The following FAR2 variants were observed in gnomAD, a reference collection of about 807,000 sequenced individuals.
FAR2 encodes fatty acyl-CoA reductase 2.
FAR2 carries 19 observed loss-of-function variants against 56.0 expected under a neutral mutation model. That is an observed-to-expected ratio of 0.34 (90% CI 0.24 to 0.50). The LOEUF (loss-of-function observed/expected upper bound fraction) is 0.50, where lower values mean the gene tolerates loss of function less well. Among genes scored for constraint, FAR2 ranks in the 20% least tolerant of loss-of-function variants. FAR2 has a pLI of 0.98. For missense variants in FAR2, 508 were observed against 642.2 expected (o/e 0.79, Z 2.26); for synonymous variants, 219 against 218.8 (o/e 1.00, Z -0.01).
At chr12:29,294,598 C>T (rs1242025668) in intron 3 of FAR2, among the ~76,000 whole-genome samples, 1 of 152,226 alleles carries the variant, frequency 6.6e-6, no homozygotes, top group Non-Finnish European at 1.5e-5. Context: ...GATCCACCCG[C>T]CTTGGCCTCC....
rs1200619697 is a variant in FAR2, at chr12:29,317,006, A to G, written c.1121A>G (p.Lys374Arg). 4 of 1,612,140 alleles carry G rather than the reference A, an allele frequency of 2.5e-6. No individual in the cohort carries two copies. The South Asian group carries it at 3.3e-5, about 13-fold the overall frequency. The change falls in exon 9 of 12, where the codon AAG (lysine) becomes AGG (arginine). Residue 374 changes from lysine (K) to arginine (R), a missense_variant. By Grantham distance (26) the Lys-to-Arg change is conservative. Transcript: ENST00000536681. ...TGCTATCTGCGGCTCACTGGAAGGA[A>G]GCCCAGGTGAGAAGCTGAGTCAATG... ...YDCYLRLTGRKPRMTKLMNRL... is the reference protein window; with the variant it reads ...YDCYLRLTGRRPRMTKLMNRL...
chr12:29,268,810 C>G (rs142581077), intron 1 of FAR2, among the ~76,000 whole-genome samples: 1 of 151,936 alleles, frequency 6.6e-6, no homozygotes, highest in Non-Finnish European at 1.5e-5. Flanking sequence ...GCTGGGCATC[C>G]GGGGGAGACA....
intron 1 of FAR2, among the ~76,000 whole-genome samples, chr12:29,192,379 G>T (rs1328874130): frequency 6.6e-6 from 1 of 152,156 alleles, no homozygotes; most frequent in Non-Finnish European, 1.5e-5. Context: ...ACCCAAAGAA[G>T]CCAAGAAGAC....
At chr12:29,219,617 T>A (rs551911697) in intron 1 of FAR2, among the ~76,000 whole-genome samples, 1 of 152,170 alleles carries the variant, frequency 6.6e-6, no homozygotes, top group Non-Finnish European at 1.5e-5. Context: ...GTTTTAACTC[T>A]GAGTAGACAA....
chr12:29,295,417 T>C (rs1949046435), intron 3 of FAR2, among the ~76,000 whole-genome samples: 1 of 152,190 alleles, frequency 6.6e-6, no homozygotes, highest in African/African-American at 2.4e-5. Flanking sequence ...TCTCTTTGCA[T>C]ATACTTCCTG....
chr12:29,315,525 T>G (rs947514643), intron 8 of FAR2, among the ~76,000 whole-genome samples: 4 of 152,196 alleles, frequency 2.6e-5, no homozygotes, highest in Non-Finnish European at 4.4e-5. Flanking sequence ...GAGGTCAGAC[T>G]GTAGGAGTAC....
intron 2 of FAR2, among the ~76,000 whole-genome samples, chr12:29,274,732 CT>C (rs1282913737): frequency 6.6e-6 from 1 of 151,906 alleles, no homozygotes; most frequent in Non-Finnish European, 1.5e-5. Flanking sequence ...CTCATTCTGG[CT>C]CAAAATCTCC....
At position 29,237,197 on chromosome 12, in the gene FAR2, G is replaced by C. The variant is rs1192811009; in HGVS notation, c.-38-33215G>C. ...AATACTGCCCTCAAGTGATAGTTTA[G>C]ATCAGCAGTTCTTGAAGTGTGGTCC... On this transcript the variant is annotated intron_variant, in intron 1 of 11. Transcript: ENST00000536681. Among the ~76,000 whole-genome samples the C allele has an allele frequency of 5.3e-5, 8 of 152,282 alleles. No individual in the cohort carries two copies. The East Asian group carries it at 1.5e-3, about 29-fold the overall frequency.
At chr12:29,288,095 A>T (rs895661149) in intron 2 of FAR2, among the ~76,000 whole-genome samples, 1 of 152,222 alleles carries the variant, frequency 6.6e-6, no homozygotes, top group Non-Finnish European at 1.5e-5. Flanking sequence ...TTAGAAGAGT[A>T]TCTTATGTTT....
intron 9 of FAR2, among the ~76,000 whole-genome samples, chr12:29,318,063 G>C (rs1459390890): frequency 3.3e-5 from 5 of 152,218 alleles, no homozygotes; most frequent in Admixed American, 2.0e-4. Flanking sequence ...AGGAGTCATT[G>C]TTATAATTGC....
intron 1 of FAR2, among the ~76,000 whole-genome samples, chr12:29,234,761 G>T (rs1947912155): frequency 6.6e-6 from 1 of 152,118 alleles, no homozygotes; most frequent in African/African-American, 2.4e-5. Flanking sequence ...CCTGACTACA[G>T]TAATGCCTAC....
chr12:29,332,149 A>G (rs761605925), intron 10 of FAR2, among the ~76,000 whole-genome samples: 1 of 152,184 alleles, frequency 6.6e-6, no homozygotes, highest in South Asian at 2.1e-4. Flanking sequence ...TTTAATCTGC[A>G]TAATGAAATG....
intron 1 of FAR2, among the ~76,000 whole-genome samples, chr12:29,197,515 G>A (rs913692417): frequency 6.6e-6 from 1 of 152,108 alleles, no homozygotes; most frequent in Non-Finnish European, 1.5e-5. Flanking sequence ...ATCCCATTTC[G>A]TTGATGAGTA....
At chr12:29,261,366 TA>T (rs1444542102) in intron 1 of FAR2, among the ~76,000 whole-genome samples, 2 of 152,166 alleles carry the variant, frequency 1.3e-5, no homozygotes, top group Non-Finnish European at 2.9e-5. Flanking sequence ...GAAGACAGTT[TA>T]TTTGGAAATA....
chr12:29,251,414 G>A (rs74837258), intron 1 of FAR2, among the ~76,000 whole-genome samples: 8,112 of 152,146 alleles, frequency 0.053, 514 homozygotes, highest in African/African-American at 0.15. Context: ...GACTTTTGAG[G>A]GATAACTGGA....
At position 29,313,868 on chromosome 12, in the gene FAR2, T is replaced by C. The variant is rs146007048; in HGVS notation, c.955+1918T>C. Among the ~76,000 whole-genome samples, 533 of 152,316 alleles carry C rather than the reference T, an allele frequency of 3.5e-3. 2 individuals are homozygous for C. The highest frequency in any genetic ancestry group is 5.8e-3 in the Non-Finnish European group (393 of 68,008). On this transcript the variant is annotated intron_variant, in intron 8 of 11. Coordinates refer to ENST00000536681, the MANE Select transcript of FAR2 (RefSeq NM_001271783.2). ...GTTGCTTCATTTTCTACTGCATTGA[T>C]ATATTGCCTTATCTCTATTTTCTCC... is the stretch of plus-strand genomic sequence containing the variant.
chr12:29,257,281 C>G (rs1948335259), intron 1 of FAR2, among the ~76,000 whole-genome samples: 2 of 151,656 alleles, frequency 1.3e-5, no homozygotes, highest in Admixed American at 1.3e-4. Flanking sequence ...CTGGTGGGGC[C>G]TTGGAGAACC....
chr12:29,169,171 C>G (rs1349202253), intron 1 of FAR2, among the ~76,000 whole-genome samples: 3 of 152,166 alleles, frequency 2.0e-5, no homozygotes, highest in South Asian at 2.1e-4. Flanking sequence ...TCTCAATCCC[C>G]CCTCTAAACA....
At chr12:29,253,967 A>G (rs1159010843) in intron 1 of FAR2, among the ~76,000 whole-genome samples, 1 of 152,198 alleles carries the variant, frequency 6.6e-6, no homozygotes, top group Non-Finnish European at 1.5e-5. Context: ...TTTTTTTAAA[A>G]AAGACTTATT....
Sources: allele counts gnomAD v4.1 joint callset (sites outside exome capture counted in the v4.1 genomes callset), GRCh38; gene constraint gnomAD v4.1.1; transcripts MANE v1.5; gene names NCBI Gene and HGNC (gene_info 2026-07-23, HGNC 2026-07-21).